The following GRM8 variants were observed in gnomAD, a reference collection of about 807,000 sequenced individuals.
GRM8 encodes the protein metabotropic glutamate receptor 8.
A neutral mutation model predicts 87.2 loss-of-function variants in GRM8; 47 were observed. The ratio of observed to expected loss-of-function variants is 0.54; its 90% CI spans 0.43 to 0.69. GRM8 has a LOEUF of 0.69. GRM8 is among the 30% of genes least tolerant of loss of function. The pLI is 0.00. For synonymous variants in GRM8, 396 were observed against 404.5 expected (o/e 0.98, Z 0.25); for missense variants, 1,019 against 1,139.2 (o/e 0.89, Z 1.52).
chr7:127,219,662 C>A (rs1459630352), intron 2 of GRM8: 1 of 152,208 alleles, frequency 6.6e-6, no homozygotes, highest in East Asian at 1.9e-4. Flanking sequence ...TCTCAAACTC[C>A]TGGCCTCAAG....
intron 3 of GRM8, among the ~76,000 whole-genome samples, chr7:126,932,664 A>C (rs1195865961): frequency 3.9e-5 from 6 of 152,212 alleles, no homozygotes; most frequent in Admixed American, 3.9e-4. Flanking sequence ...AATTAAGTTT[A>C]ATGAAATGAG....
chr7:126,683,137 G>A (rs1190749201), intron 7 of GRM8, among the ~76,000 whole-genome samples: 3 of 152,228 alleles, frequency 2.0e-5, no homozygotes, highest in Non-Finnish European at 4.4e-5. Flanking sequence ...GAAAAATGGT[G>A]AAGGAAAGGC....
intron 6 of GRM8, among the ~76,000 whole-genome samples, chr7:126,799,760 T>C (rs1315025624): frequency 1.2e-4 from 18 of 152,154 alleles, no homozygotes; most frequent in Admixed American, 1.2e-3. Flanking sequence ...ATGTGGTTCA[T>C]GTTGTTGCTA....
chr7:127,044,556 G>A (rs376118113), intron 3 of GRM8, among the ~76,000 whole-genome samples: 10 of 151,942 alleles, frequency 6.6e-5, no homozygotes, highest in Admixed American at 2.6e-4. Context: ...TTGAACTACC[G>A]TTTAGCTAAA....
chr7:126,523,419 T>G (rs1179884620), intron 9 of GRM8, among the ~76,000 whole-genome samples: 1 of 152,170 alleles, frequency 6.6e-6, no homozygotes, highest in Non-Finnish European at 1.5e-5. Flanking sequence ...TAGTATCTAT[T>G]GGCTACTCAC....
At chr7:126,780,973 G>A (rs1380508205) in intron 6 of GRM8, among the ~76,000 whole-genome samples, 4 of 152,118 alleles carry the variant, frequency 2.6e-5, no homozygotes, top group African/African-American at 9.7e-5. Flanking sequence ...TGAAAGTGAA[G>A]AAATGTGATT....
At chr7:126,653,300 C>CAAAA (rs35546815) in intron 7 of GRM8, among the ~76,000 whole-genome samples, 45 of 109,014 alleles carry the variant, frequency 4.1e-4, no homozygotes, top group South Asian at 1.0e-3. Context: ...ATCCTGTCTC[C>CAAAA]AAAAAAAAAA....
At chr7:126,635,198 A>C (rs1801724316) in intron 7 of GRM8, among the ~76,000 whole-genome samples, 1 of 151,910 alleles carries the variant, frequency 6.6e-6, no homozygotes, top group African/African-American at 2.4e-5. Context: ...TAATTCAAAA[A>C]GCTAATTTTA....
intron 3 of GRM8, among the ~76,000 whole-genome samples, chr7:126,927,197 G>A (rs1028597811): frequency 6.6e-6 from 1 of 152,150 alleles, no homozygotes; most frequent in Non-Finnish European, 1.5e-5. Flanking sequence ...ACGCAGTGGT[G>A]CTTTCACAGC....
intron 10 of GRM8, among the ~76,000 whole-genome samples, 189 bp from the exon 11 acceptor site, chr7:126,439,357 C>T (rs779462315): frequency 6.6e-5 from 10 of 152,082 alleles, no homozygotes; most frequent in Non-Finnish European, 7.4e-5. Flanking sequence ...CAGCAGACTG[C>T]ATTATATAAA....
chr7:127,211,376 C>CA (rs1309335560), intron 2 of GRM8, among the ~76,000 whole-genome samples: 2 of 152,224 alleles, frequency 1.3e-5, no homozygotes, highest in African/African-American at 4.8e-5. Context: ...CGGGAACACT[C>CA]AGCCAGTCTA....
chr7:127,189,169 G>C (rs533166809), intron 2 of GRM8, among the ~76,000 whole-genome samples: 59 of 152,284 alleles, frequency 3.9e-4, no homozygotes, highest in African/African-American at 1.2e-3. Flanking sequence ...GCAGACCTAA[G>C]CAGGTTTGAG....
chr7:126,951,224 A>G (rs572189329), intron 3 of GRM8, among the ~76,000 whole-genome samples: 9 of 152,212 alleles, frequency 5.9e-5, no homozygotes, highest in Non-Finnish European at 8.8e-5. Flanking sequence ...ATAACTGCCC[A>G]TTTGTACAAA....
Position 126,644,210 on chromosome 7 carries a change from T to A in GRM8, c.1358-34712A>T, listed in dbSNP as rs374898492. Among the ~76,000 whole-genome samples, 31 of 152,298 alleles carry A rather than the reference T, an allele frequency of 2.0e-4. No individual in the cohort carries two copies. The East Asian group carries it at 2.5e-3, about 12-fold the overall frequency. ...GAATGAAGTTTAATATTAAAATATA[T>A]CGTATTTTCAAATTTAAACATAAAG... On this transcript the variant is annotated intron_variant, in intron 7 of 10. Coordinates refer to ENST00000339582, the MANE Select transcript of GRM8 (RefSeq NM_000845.3).
intron 3 of GRM8, among the ~76,000 whole-genome samples, chr7:127,075,411 A>C (rs1011892639): frequency 6.6e-6 from 1 of 152,244 alleles, no homozygotes; most frequent in Non-Finnish European, 1.5e-5. Context: ...CAAAAAATAA[A>C]ATTGATAGAA....
intron 7 of GRM8, among the ~76,000 whole-genome samples, chr7:126,757,419 T>A (rs1817136781): frequency 6.6e-6 from 1 of 152,136 alleles, no homozygotes; most frequent in Non-Finnish European, 1.5e-5. Context: ...ATAGATTTAC[T>A]GCACTCTTCT....
At chr7:126,859,307 G>A (rs1423910577) in intron 6 of GRM8, among the ~76,000 whole-genome samples, 4 of 152,140 alleles carry the variant, frequency 2.6e-5, no homozygotes, top group Non-Finnish European at 1.5e-5. Flanking sequence ...TTGACAAAGT[G>A]AAGTCAACTC....
intron 7 of GRM8, among the ~76,000 whole-genome samples, chr7:126,720,248 C>T (rs138908781): frequency 2.4e-4 from 36 of 151,690 alleles, no homozygotes; most frequent in African/African-American, 7.7e-4. Flanking sequence ...CTCAAGTAAT[C>T]CTCCTTCTTC....
chr7:126,451,801 T>C (rs1047579176), intron 9 of GRM8, among the ~76,000 whole-genome samples: 3 of 151,768 alleles, frequency 2.0e-5, no homozygotes, highest in Non-Finnish European at 4.4e-5. Flanking sequence ...CCTTCAAGTC[T>C]TTACTGAAAT....
Sources: gnomAD v4.1 joint callset for allele counts (sites outside exome capture counted in the v4.1 genomes callset) on GRCh38, gnomAD v4.1.1 for gene constraint, MANE v1.5 for transcripts, NCBI Gene and HGNC (gene_info 2026-07-23, HGNC 2026-07-21) for gene names.